Variants in PCDHGA9 observed in about 807,000 individuals in gnomAD.
PCDHGA9 encodes the protein protocadherin gamma-A9.
In PCDHGA9, 37 loss-of-function variants were observed where a neutral mutation model predicts 62.5. The observed-to-expected ratio is 0.59, with a 90% CI of 0.46 to 0.78. The LOEUF is 0.78. Ranked by LOEUF, PCDHGA9 falls within the 30% of genes least tolerant of loss-of-function variation. The pLI is 0.00. For synonymous variants in PCDHGA9, 459 were observed against 484.6 expected, an observed-to-expected ratio of 0.95 and a Z score of 0.69; for missense variants, 1,138 against 1,166.2, an observed-to-expected ratio of 0.98 and a Z score of 0.35.
chr5:141,432,934 G>GC lies in PCDHGA9; in HGVS notation c.2424+27559dup. On this transcript the variant is annotated intron_variant, in intron 1 of 3. Transcript: ENST00000573521. The surrounding 1 kb of genome is among the most constrained non-coding windows in gnomAD (Gnocchi z 6.0). ...GGCGCTGGCACAAGTCACGCCTGCT[G>GC]CAGGCTTCAGGAGGCGGCTTGACAG... The GC allele has an allele frequency of 6.2e-7, 1 of 1,614,196 alleles. No individual in the cohort carries two copies. Among genetic ancestry groups the GC allele is most frequent in the Non-Finnish European group, 8.5e-7 (1 of 1,180,040 alleles).
intron 1 of PCDHGA9, among the ~76,000 whole-genome samples, chr5:141,483,203 A>T (rs940487337): frequency 1.3e-5 from 2 of 152,204 alleles, no homozygotes; most frequent in African/African-American, 2.4e-5. Flanking sequence ...ATTTTATTCC[A>T]TATAGATGAC....
At position 141,431,007 on chromosome 5, in the gene PCDHGA9, G is replaced by C. The variant is rs149559471; in HGVS notation, c.2424+25631G>C. On this transcript the variant is annotated intron_variant, in intron 1 of 3. Transcript: ENST00000573521. This position sits in a 1 kb window ranked among gnomAD's most constrained non-coding sequence, Gnocchi z 4.8. Reference sequence around the variant, plus strand: ...TTCGCCCTGAATCCGCGCAGCGGCAGCTTGGTCACGGCGGGCAGGATAGAC... The same window carrying C: ...TTCGCCCTGAATCCGCGCAGCGGCACCTTGGTCACGGCGGGCAGGATAGAC... 10 of 1,614,050 alleles carry C rather than the reference G, an allele frequency of 6.2e-6. No homozygotes were observed. The highest frequency in any genetic ancestry group is 8.5e-6 in the Non-Finnish European group (10 of 1,180,018).
In PCDHGA9 at chr5:141,404,750, C is replaced by G. The variant is rs1321458841; in HGVS notation, c.1798C>G (p.Gln600Glu). ...KVVAVDRDSG[Q>E]NAWLSYRLFK... The stretch of plus-strand genomic sequence containing the variant: ...GGTGGCAGTGGACAGAGACTCAGGC[C>G]AGAATGCTTGGCTCTCCTACCGCCT... The change falls in exon 1 of 4, where the codon CAG becomes GAG. Residue 600 changes from glutamine (Q) to glutamate (E), a missense_variant. Physicochemically the swap from Gln to Glu is conservative, Grantham distance 29. Coordinates refer to ENST00000573521, the MANE Select transcript of PCDHGA9 (RefSeq NM_018921.3). 10 of 1,613,702 alleles carry G rather than the reference C, an allele frequency of 6.2e-6. No homozygotes were observed. In the African/African-American group the frequency reaches 1.3e-4, roughly 22 times the overall value.
At chr5:141,463,335 A>G (rs565781645) in intron 1 of PCDHGA9, among the ~76,000 whole-genome samples, 3 of 149,628 alleles carry the variant, frequency 2.0e-5, no homozygotes, top group South Asian at 2.1e-4. Context: ...CAGCAAAACC[A>G]TGGTGTTATT....
chr5:141,405,439 A>G (rs1285285172), intron 1 of PCDHGA9, 63 bp downstream of exon 1: 1 of 1,423,798 alleles, frequency 7.0e-7, no homozygotes, highest in Admixed American at 2.0e-5. Context: ...TTTGTTTTTG[A>G]GACAGAGTCT....
intron 1 of PCDHGA9, among the ~76,000 whole-genome samples, chr5:141,407,257 T>C (rs1325198387): frequency 1.3e-5 from 2 of 152,240 alleles, no homozygotes; most frequent in Non-Finnish European, 2.9e-5. Context: ...CTCATATTTT[T>C]AACCATGCAA....
At chr5:141,504,381 T>C (rs1039838477) in intron 2 of PCDHGA9, among the ~76,000 whole-genome samples, 4 of 152,130 alleles carry the variant, frequency 2.6e-5, no homozygotes, top group Non-Finnish European at 5.9e-5. Context: ...GTGGAGTCGC[T>C]GCCTCACAGA....
rs150106838 is a variant in PCDHGA9, at chr5:141,503,886, T to C, written c.2484-1507T>C. On this transcript the variant is annotated intron_variant, in intron 2 of 3. Coordinates refer to ENST00000573521, the MANE Select transcript of PCDHGA9 (RefSeq NM_018921.3). Reference sequence around the variant, plus strand: ...AGTTCTTGGTTGTGCTCACCCACCATGACAAAATATGCACACACACAACGC... The same window carrying C: ...AGTTCTTGGTTGTGCTCACCCACCACGACAAAATATGCACACACACAACGC... Among the ~76,000 whole-genome samples, 20 of 152,290 alleles carry C rather than the reference T, an allele frequency of 1.3e-4. No individual in the cohort carries two copies. The South Asian group carries it at 3.9e-3, about 30-fold the overall frequency.
At chr5:141,441,127 G>A (rs1224106490) in intron 1 of PCDHGA9, 2 of 152,138 alleles carry the variant, frequency 1.3e-5, no homozygotes, top group African/African-American at 2.4e-5. Context: ...AGTTGAGACC[G>A]AATTTCTAGA....
rs546494803 is a variant in PCDHGA9 at position 141,425,207 on chromosome 5, G to C, written c.2424+19831G>C. Among the ~76,000 whole-genome samples, 7 of 152,120 alleles carry C rather than the reference G, an allele frequency of 4.6e-5. No homozygotes were observed. In the East Asian group the frequency reaches 1.2e-3, roughly 25 times the overall value. ...TCCAAACTGAGAAAAATGATGTAAG[G>C]CATTGTACTTTGACTGGAATTAGTT... On this transcript the variant is annotated intron_variant, in intron 1 of 3. Transcript: ENST00000573521.
Position 141,432,147 on chromosome 5 carries a change from A to G in PCDHGA9, c.2424+26771A>G. 6.2e-7 allele frequency: 1 copy of G among 1,614,066 alleles called. No individual in the cohort carries two copies. The highest frequency in any genetic ancestry group is 8.5e-7 in the Non-Finnish European group (1 of 1,179,998). ...GCCTCCTATTCCGCTTATATCCCAG[A>G]GAACAATCCCAGAGGAGTTTCCCTC... On this transcript the variant is annotated intron_variant, in intron 1 of 3. Transcript: ENST00000573521. The surrounding 1 kb of genome is among the most constrained non-coding windows in gnomAD (Gnocchi z 6.0).
At chr5:141,415,284 G>A (rs186109113) in intron 1 of PCDHGA9, 27 of 1,614,198 alleles carry the variant, frequency 1.7e-5, no homozygotes, top group Non-Finnish European at 2.3e-5. Context: ...CGGTGGCCGC[G>A]GTCTCCTGCG....
At chr5:141,465,775 T>TA (rs2099108994) in intron 1 of PCDHGA9, among the ~76,000 whole-genome samples, 1 of 152,030 alleles carries the variant, frequency 6.6e-6, no homozygotes, top group African/African-American at 2.4e-5. Context: ...CATCTCTTGT[T>TA]ACAGTTTTTT....
chr5:141,465,366 A>G (rs2099102089), intron 1 of PCDHGA9, among the ~76,000 whole-genome samples: 1 of 152,154 alleles, frequency 6.6e-6, no homozygotes, highest in Non-Finnish European at 1.5e-5. Flanking sequence ...GGTGCCCTTT[A>G]AAGTTGTAAG....
At chr5:141,433,320 T>A in intron 1 of PCDHGA9, 1 of 792,046 alleles carries the variant, frequency 1.3e-6, no homozygotes, top group Non-Finnish European at 2.0e-6. Flanking sequence ...TTGCCTCCGG[T>A]GTAACAGGGA....
intron 2 of PCDHGA9, among the ~76,000 whole-genome samples, chr5:141,499,689 C>CTTTTTTT (rs545067566): frequency 3.3e-5 from 4 of 119,856 alleles, no homozygotes; most frequent in Admixed American, 8.7e-5. Context: ...TAACAGATGA[C>CTTTTTTT]TTTTTTTTTT....
At chr5:141,419,761 C>A in intron 1 of PCDHGA9, 1 of 1,614,008 alleles carries the variant, frequency 6.2e-7, no homozygotes, top group South Asian at 1.1e-5. Context: ...CTTTGGGTGA[C>A]AAGGACTCGG....
rs769074023 is a variant in PCDHGA9 at position 141,491,738 on chromosome 5, G to T, written c.2425-3069G>T. On this transcript the variant is annotated intron_variant, in intron 1 of 3. Transcript: ENST00000573521. The surrounding 1 kb of genome is among the most constrained non-coding windows in gnomAD (Gnocchi z 6.9). The stretch of plus-strand genomic sequence containing the variant: ...GCGCCGCCCCGGGCGACCCCTGGGG[G>T]CGGCACTGGAGAAGCCGCCCGTCCT... 38 of 1,600,228 alleles carry T rather than the reference G, an allele frequency of 2.4e-5. No homozygotes were observed. The highest frequency in any genetic ancestry group is 3.1e-5 in the Non-Finnish European group (36 of 1,174,204).
intron 1 of PCDHGA9, among the ~76,000 whole-genome samples, chr5:141,472,994 A>AAAAG (rs1425445230): frequency 1.3e-5 from 2 of 151,692 alleles, no homozygotes; most frequent in Non-Finnish European, 2.9e-5. Context: ...AAAAAAAAAA[A>AAAAG]AAAGAAAGAA....
Sources: gnomAD v4.1 joint callset for allele counts (sites outside exome capture counted in the v4.1 genomes callset) on GRCh38, gnomAD v4.1.1 for gene constraint, Gnocchi (gnomAD v3.1) non-coding constraint, MANE v1.5 for transcripts, NCBI Gene and HGNC (gene_info 2026-07-23, HGNC 2026-07-21) for gene names.